The following VPS13A variants were observed in gnomAD, a reference collection of about 807,000 sequenced individuals.
VPS13A encodes intermembrane lipid transfer protein VPS13A.
A neutral mutation model predicts 390.9 loss-of-function variants in VPS13A; 264 were observed. The ratio of observed to expected loss-of-function variants is 0.68; its 90% CI spans 0.61 to 0.75. The LOEUF is 0.75. Ranked by LOEUF, VPS13A falls within the 30% of genes least tolerant of loss-of-function variation. VPS13A has a pLI of 0.00. For synonymous variants in VPS13A, 1,231 were observed against 1,227.1 expected, an observed-to-expected ratio of 1.00 and a Z score of -0.07; for missense variants, 3,409 against 3,733.9, an observed-to-expected ratio of 0.91 and a Z score of 2.27.
chr9:77,383,955 G>A (rs1002540227), intron 68 of VPS13A, among the ~76,000 whole-genome samples: 3 of 142,888 alleles, frequency 2.1e-5, no homozygotes, highest in African/African-American at 7.4e-5. Flanking sequence ...TTTTGATGGT[G>A]GTGGGTTTTG....
At chr9:77,195,248 CGA>C (rs1824920103) in intron 1 of VPS13A, among the ~76,000 whole-genome samples, 1 of 151,996 alleles carries the variant, frequency 6.6e-6, no homozygotes, top group East Asian at 2.0e-4. Context: ...CTCAGCCTCC[CGA>C]GTAGCTGGTA....
intron 71 of VPS13A, among the ~76,000 whole-genome samples, chr9:77,413,392 G>C (rs1835027519): frequency 6.6e-6 from 1 of 152,080 alleles, no homozygotes; most frequent in South Asian, 2.1e-4. Flanking sequence ...CCAAAACAGA[G>C]ATATAGACCA....
intron 35 of VPS13A, among the ~76,000 whole-genome samples, chr9:77,310,055 A>G (rs531900612): frequency 3.3e-5 from 5 of 152,324 alleles, no homozygotes; most frequent in African/African-American, 1.2e-4. Context: ...CAGATTCTAT[A>G]CACAGCCAAG....
intron 46 of VPS13A, among the ~76,000 whole-genome samples, chr9:77,334,586 A>G (rs1563933515): frequency 6.6e-6 from 1 of 152,054 alleles, no homozygotes. Flanking sequence ...CTCTAAACAT[A>G]TGTTTTTTGG....
Position 77,314,760 on chromosome 9 carries a change from G to A in VPS13A, c.4412+96G>A, listed in dbSNP as rs961165660. 4.1e-6 allele frequency: 5 copies of A among 1,209,538 alleles called. No homozygotes were observed. The Admixed American group carries it at 7.1e-5, about 17-fold the overall frequency. 74.9% of individuals were successfully genotyped at this position (1,209,538 alleles called of 1,614,324 possible). A position where few individuals can be genotyped will look rare whatever the true frequency, so the allele number is the denominator to read the frequency against. On this transcript the variant is annotated intron_variant, in intron 37 of 71. Coordinates refer to ENST00000360280, the MANE Select transcript of VPS13A (RefSeq NM_033305.3). The stretch of plus-strand genomic sequence containing the variant: ...AGAATTGCACGTTCATTTTCTGAGT[G>A]CATCCTAGGTTCTTTAAAGCTTCAA...
Position 77,281,537 on chromosome 9 carries a change from A to G in VPS13A, c.2905-330A>G, listed in dbSNP as rs1827025083. On this transcript the variant is annotated intron_variant, in intron 27 of 71. Transcript: ENST00000360280. ...GTTTTTAAATACAGGAAGAATTAGG[A>G]AGAACCGTACAGAGTTGTTGATGAC... 2.6e-5 allele frequency among the ~76,000 whole-genome samples: 4 copies of G among 152,104 alleles called. No individual in the cohort carries two copies. In the South Asian group the frequency reaches 6.2e-4, roughly 24 times the overall value.
chr9:77,224,307 A>T (rs1157390339), intron 13 of VPS13A, among the ~76,000 whole-genome samples: 1 of 152,202 alleles, frequency 6.6e-6, no homozygotes, highest in African/African-American at 2.4e-5. Flanking sequence ...TAAGAAGTAC[A>T]TTTTGTAAGA....
intron 22 of VPS13A, among the ~76,000 whole-genome samples, chr9:77,255,966 C>T (rs1005100016): frequency 6.6e-6 from 1 of 151,434 alleles, no homozygotes; most frequent in South Asian, 2.1e-4. Context: ...TGATTTTTTT[C>T]TCTATTGTTT....
intron 45 of VPS13A, among the ~76,000 whole-genome samples, chr9:77,323,512 A>G (rs141143972): frequency 8.1e-4 from 123 of 152,128 alleles, no homozygotes; most frequent in African/African-American, 2.7e-3. Flanking sequence ...AGGTCTTTGT[A>G]ATGTATTTAT....
intron 45 of VPS13A, among the ~76,000 whole-genome samples, chr9:77,331,591 G>A (rs2131479276): frequency 6.6e-6 from 1 of 151,824 alleles, no homozygotes; most frequent in Admixed American, 6.6e-5. Context: ...GAGTGTGGTG[G>A]TTATAAACCC....
chr9:77,217,608 C>T (rs1822934626), intron 10 of VPS13A, among the ~76,000 whole-genome samples: 1 of 152,130 alleles, frequency 6.6e-6, no homozygotes, highest in African/African-American at 2.4e-5. Flanking sequence ...TAATGGCCTC[C>T]AGTTCCATCC....
chr9:77,293,186 C>T (rs1346514299), intron 31 of VPS13A, among the ~76,000 whole-genome samples, 155 bp from the exon 32 acceptor site: 2 of 152,058 alleles, frequency 1.3e-5, no homozygotes, highest in Admixed American at 1.3e-4. Flanking sequence ...TCCAATAAAC[C>T]AGTTACAGTA....
intron 71 of VPS13A, among the ~76,000 whole-genome samples, chr9:77,411,097 C>T (rs1183804090): frequency 6.6e-6 from 1 of 152,144 alleles, no homozygotes; most frequent in Non-Finnish European, 1.5e-5. Context: ...TCTCTCAGAC[C>T]ATAGTGCAAT....
chr9:77,255,085 AG>A lies in VPS13A; in HGVS notation c.2288+2734del, dbSNP rs570918241. 7.8e-4 allele frequency among the ~76,000 whole-genome samples: 118 copies of A among 152,246 alleles called. 1 individual carries two copies. Among genetic ancestry groups the A allele is most frequent in the Non-Finnish European group, 1.4e-3 (95 of 67,992 alleles). On this transcript the variant is annotated intron_variant, in intron 22 of 71. Transcript: ENST00000360280. ...ACCTTAATCCTGAGCCCAGAGGAAAAGCTTTCAGTATTTCACCATTGAGTAT... is the reference window on the plus strand; with the variant it reads ...ACCTTAATCCTGAGCCCAGAGGAAAACTTTCAGTATTTCACCATTGAGTAT...
chr9:77,221,478 A>C lies in VPS13A; in HGVS notation c.1161+122A>C. On this transcript the variant is annotated intron_variant, in intron 13 of 71. Transcript: ENST00000360280. ...ATTGACCTTTTCATCTCTTTTACTT[A>C]GACTTTTTTGTGCTTCTGTTCTTAA... is the stretch of plus-strand genomic sequence containing the variant. 4 of 1,123,948 alleles carry C rather than the reference A, an allele frequency of 3.6e-6. No homozygotes were observed. In the South Asian group the frequency reaches 5.8e-5, roughly 16 times the overall value. 69.6% of individuals were successfully genotyped at this position (1,123,948 alleles called of 1,614,324 possible). A position where few individuals can be genotyped will look rare whatever the true frequency, so the allele number is the denominator to read the frequency against.
intron 24 of VPS13A, 105 bp downstream of exon 24, chr9:77,273,469 T>C: frequency 2.1e-6 from 2 of 953,458 alleles, no homozygotes; most frequent in Admixed American, 5.2e-5. Context: ...AAAATATCTT[T>C]TCCTTTTAAA....
chr9:77,408,697 G>C (rs1171325220), intron 71 of VPS13A, among the ~76,000 whole-genome samples: 3 of 152,220 alleles, frequency 2.0e-5, no homozygotes, highest in African/African-American at 7.2e-5. Context: ...CTCATTGCTA[G>C]CACAGCAGTC....
intron 41 of VPS13A, 61 bp downstream of exon 41, chr9:77,318,652 A>G: frequency 7.6e-7 from 1 of 1,312,836 alleles, no homozygotes; most frequent in South Asian, 1.2e-5. Context: ...TATGACAGAT[A>G]ATGATACATA....
chr9:77,385,082 G>T, intron 68 of VPS13A: 1 of 990,476 alleles, frequency 1.0e-6, no homozygotes, highest in Non-Finnish European at 1.2e-6. Context: ...ATGCCACTGT[G>T]TAAAAAAAAA....
Sources: allele counts gnomAD v4.1 joint callset (sites outside exome capture counted in the v4.1 genomes callset), GRCh38; gene constraint gnomAD v4.1.1; transcripts MANE v1.5; gene names NCBI Gene and HGNC (gene_info 2026-07-23, HGNC 2026-07-21).